The following PPP2R2C variants were observed in gnomAD, a reference collection of about 807,000 sequenced individuals.
The protein encoded by PPP2R2C is protein phosphatase 2, regulatory subunit B, gamma.
A neutral mutation model predicts 45.3 loss-of-function variants in PPP2R2C; 10 were observed. The observed-to-expected ratio is 0.22, with a 90% CI of 0.14 to 0.37. PPP2R2C has a LOEUF of 0.37. Ranked by LOEUF, PPP2R2C falls within the 10% of genes least tolerant of loss-of-function variation. PPP2R2C has a pLI of 1.00. For synonymous variants in PPP2R2C, 257 were observed against 245.4 expected (o/e 1.05, Z -0.44); for missense variants, 308 against 619.7 (o/e 0.50, Z 5.34).
chr4:6,535,189 CTG>C (rs1724565438), intron 2 of PPP2R2C: 1 of 1,440,192 alleles, frequency 6.9e-7, no homozygotes, highest in Non-Finnish European at 9.4e-7. Context: ...CAGGCTGGCG[CTG>C]TGTCGGGCGC....
intron 1 of PPP2R2C, among the ~76,000 whole-genome samples, chr4:6,558,228 A>G (rs1185768480): frequency 2.6e-5 from 4 of 152,198 alleles, no homozygotes; most frequent in Admixed American, 2.6e-4. Flanking sequence ...CAAGTTCTCC[A>G]TAAGTGCCAG....
At chr4:6,481,853 C>A (rs1184337111) in intron 2 of PPP2R2C, among the ~76,000 whole-genome samples, 2 of 151,900 alleles carry the variant, frequency 1.3e-5, no homozygotes, top group African/African-American at 4.8e-5. Flanking sequence ...GTGGCACGTG[C>A]CTGTAGTCCC....
chr4:6,413,150 T>C, intron 1 of PPP2R2C, among the ~76,000 whole-genome samples: 1 of 151,514 alleles, frequency 6.6e-6, no homozygotes, highest in Non-Finnish European at 1.5e-5. Flanking sequence ...AGAGTGAACA[T>C]GTACAGTCAT....
chr4:6,419,898 C>T (rs1375159709), intron 1 of PPP2R2C, among the ~76,000 whole-genome samples: 1 of 152,188 alleles, frequency 6.6e-6, no homozygotes, highest in African/African-American at 2.4e-5. Flanking sequence ...TAGAAGGACA[C>T]CAGCCATTGG....
At chr4:6,556,706 T>G (rs890827538) in intron 1 of PPP2R2C, among the ~76,000 whole-genome samples, 2 of 152,038 alleles carry the variant, frequency 1.3e-5, no homozygotes, top group African/African-American at 4.8e-5. Context: ...CATGCATTAG[T>G]GTAGATCCCT....
At chr4:6,440,067 C>T (rs1720077812) in intron 1 of PPP2R2C, among the ~76,000 whole-genome samples, 1 of 152,176 alleles carries the variant, frequency 6.6e-6, no homozygotes, top group African/African-American at 2.4e-5. Flanking sequence ...ACAGGTCTCA[C>T]AGGCTGGGTG....
At chr4:6,354,334 T>C (rs940137169) in intron 5 of PPP2R2C, among the ~76,000 whole-genome samples, 1 of 152,026 alleles carries the variant, frequency 6.6e-6, no homozygotes, top group Admixed American at 6.5e-5. Flanking sequence ...TATCCAGCAG[T>C]TCGAAGTTGC....
At chr4:6,529,489 G>A (rs1158679508) in intron 2 of PPP2R2C, among the ~76,000 whole-genome samples, 1 of 152,096 alleles carries the variant, frequency 6.6e-6, no homozygotes, top group Non-Finnish European at 1.5e-5. Context: ...ACCCAGTGAG[G>A]TGGGTGCCAA....
At chr4:6,533,000 T>G (rs1381794724) in intron 2 of PPP2R2C, among the ~76,000 whole-genome samples, 1 of 152,218 alleles carries the variant, frequency 6.6e-6, no homozygotes, top group African/African-American at 2.4e-5. Flanking sequence ...AAGCCCACGC[T>G]CTGCCCTCAG....
chr4:6,440,465 C>T (rs1720099582), intron 1 of PPP2R2C, among the ~76,000 whole-genome samples: 1 of 152,148 alleles, frequency 6.6e-6, no homozygotes, highest in South Asian at 2.1e-4. Flanking sequence ...CTCTTAGCAA[C>T]CTCTAAGGGA....
At chr4:6,348,717 C>G in intron 5 of PPP2R2C, 1 of 985,332 alleles carries the variant, frequency 1.0e-6, no homozygotes, top group Non-Finnish European at 1.2e-6. Context: ...GAGCTTCTAT[C>G]TGCTGCCAGG....
chr4:6,543,181 G>A (rs1724862049), intron 1 of PPP2R2C, among the ~76,000 whole-genome samples: 1 of 152,214 alleles, frequency 6.6e-6, no homozygotes, highest in African/African-American at 2.4e-5. Flanking sequence ...CGGCGTGGAT[G>A]CACCACCGCA....
rs572728969 is a variant in PPP2R2C, at chr4:6,454,410, G to C, written c.70+17750C>G. On this transcript the variant is annotated intron_variant, in intron 1 of 8. Transcript: ENST00000382599. ...GGAAGGGCCAAGCAGCTTCCACCTG[G>C]GTATCTGGGGATACTTGATTCGGGA... 1.7e-4 allele frequency among the ~76,000 whole-genome samples: 26 copies of C among 152,204 alleles called. No homozygotes were observed. The South Asian group carries it at 3.9e-3, about 23-fold the overall frequency.
intron 2 of PPP2R2C, among the ~76,000 whole-genome samples, chr4:6,493,386 C>G (rs1330597010): frequency 6.6e-6 from 1 of 151,528 alleles, no homozygotes; most frequent in African/African-American, 2.4e-5. Flanking sequence ...GGAGGAGAGT[C>G]TGGGGGCTTC....
intron 1 of PPP2R2C, among the ~76,000 whole-genome samples, chr4:6,429,530 G>C (rs1457540204): frequency 2.0e-5 from 3 of 152,180 alleles, no homozygotes; most frequent in Non-Finnish European, 1.5e-5. Flanking sequence ...TCAACAGTAT[G>C]GGTTGGGGAT....
At chr4:6,521,186 G>A (rs1223815200) in intron 2 of PPP2R2C, among the ~76,000 whole-genome samples, 1 of 152,208 alleles carries the variant, frequency 6.6e-6, no homozygotes, top group Admixed American at 6.5e-5. Flanking sequence ...GAAGGAAGAG[G>A]ATGCCTCCAA....
At chr4:6,462,980 G>A (rs1477887102) in intron 1 of PPP2R2C, among the ~76,000 whole-genome samples, 1 of 152,190 alleles carries the variant, frequency 6.6e-6, no homozygotes, top group Non-Finnish European at 1.5e-5. Context: ...CCAGGGAGCG[G>A]CATCTCTCCC....
intron 1 of PPP2R2C, among the ~76,000 whole-genome samples, chr4:6,427,761 C>A (rs1308656849): frequency 6.6e-6 from 1 of 152,222 alleles, no homozygotes; most frequent in East Asian, 1.9e-4. Flanking sequence ...CTTTTAGCAG[C>A]CAGTGACTGA....
chr4:6,349,957 A>G, intron 5 of PPP2R2C: 1 of 985,384 alleles, frequency 1.0e-6, no homozygotes, highest in South Asian at 4.7e-5. Context: ...GCCAGGGAAA[A>G]AAATGGCTGA....
Sources: allele counts gnomAD v4.1 joint callset (sites outside exome capture counted in the v4.1 genomes callset), GRCh38; gene constraint gnomAD v4.1.1; transcripts MANE v1.5; gene names NCBI Gene and HGNC (gene_info 2026-07-23, HGNC 2026-07-21).